TECRL: variants seen among roughly 807,000 people sequenced by gnomAD.
The protein encoded by TECRL is trans-2,3-enoyl-CoA reductase-like.
TECRL carries 63 observed loss-of-function variants against 52.8 expected under a neutral mutation model. The observed-to-expected ratio is 1.19, with a 90% CI of 0.97 to 1.47. The LOEUF is 1.47. Ranked by LOEUF, TECRL falls within the 40% of genes most tolerant of loss-of-function variation. The pLI, the probability that TECRL is intolerant of heterozygous loss-of-function variation, is 0.00. For synonymous variants in TECRL, 164 were observed against 141.9 expected (o/e 1.16, Z -1.10); for missense variants, 482 against 429.6 (o/e 1.12, Z -1.08).
In TECRL at chr4:64,337,913, C is replaced by T. The variant is rs1485953880; in HGVS notation, c.287-9357G>A. Among the ~76,000 whole-genome samples, 7 of 152,134 alleles carry T rather than the reference C, an allele frequency of 4.6e-5. No individual in the cohort carries two copies. In the East Asian group the frequency reaches 1.2e-3, roughly 25 times the overall value. On this transcript the variant is annotated intron_variant, in intron 2 of 11. Coordinates refer to ENST00000381210, the MANE Select transcript of TECRL (RefSeq NM_001010874.5). ...ATCAAGCAATCAATGACTTTCTTCA[C>T]AGAATTGGAAAAAACTACCTTAAAG...
At chr4:64,341,934 C>T (rs1577903294) in intron 2 of TECRL, among the ~76,000 whole-genome samples, 1 of 151,682 alleles carries the variant, frequency 6.6e-6, no homozygotes, top group Non-Finnish European at 1.5e-5. Context: ...CCAACACTCA[C>T]TCACACACCC....
chr4:64,313,620 T>C (rs1717234513), intron 5 of TECRL, among the ~76,000 whole-genome samples: 1 of 149,970 alleles, frequency 6.7e-6, no homozygotes, highest in Non-Finnish European at 1.5e-5. Flanking sequence ...TAGCTGGGAC[T>C]ACAGGCACCC....
downstream of TECRL, chr4:64,276,631 A>G (rs950389669): frequency 1.9e-5 from 3 of 154,170 alleles, no homozygotes; most frequent in Non-Finnish European, 4.3e-5. Flanking sequence ...ACTTACAACT[A>G]ATCTATGCAG....
chr4:64,403,566 T>C (rs1447190003), intron 1 of TECRL, among the ~76,000 whole-genome samples: 2 of 151,858 alleles, frequency 1.3e-5, no homozygotes, highest in Non-Finnish European at 2.9e-5. Context: ...TTATAAACTA[T>C]CTAGGACACA....
intron 1 of TECRL, among the ~76,000 whole-genome samples, chr4:64,378,982 T>C (rs923690284): frequency 2.6e-5 from 4 of 151,914 alleles, no homozygotes; most frequent in Admixed American, 6.6e-5. Context: ...TACACACATA[T>C]CCTGTTTTTG....
chr4:64,366,315 G>A (rs949236811), intron 2 of TECRL, among the ~76,000 whole-genome samples: 1 of 152,062 alleles, frequency 6.6e-6, no homozygotes, highest in African/African-American at 2.4e-5. Context: ...AACTCTGGAA[G>A]ACAAGATAGG....
intron 1 of TECRL, among the ~76,000 whole-genome samples, chr4:64,383,766 G>T (rs1318757400): frequency 6.6e-6 from 1 of 151,916 alleles, no homozygotes; most frequent in Non-Finnish European, 1.5e-5. Flanking sequence ...TGTTGCCAGA[G>T]AATTACTACA....
intron 2 of TECRL, among the ~76,000 whole-genome samples, chr4:64,366,053 A>G (rs1285478790): frequency 6.6e-6 from 1 of 152,104 alleles, no homozygotes; most frequent in Non-Finnish European, 1.5e-5. Context: ...TCAATGGAAC[A>G]GAATAGGGAG....
intron 1 of TECRL, among the ~76,000 whole-genome samples, chr4:64,403,475 G>GTGCACA (rs1553923025): frequency 6.7e-6 from 1 of 148,238 alleles, no homozygotes; most frequent in Non-Finnish European, 1.5e-5. Context: ...CTCCCTGAGC[G>GTGCACA]CACACACACA....
At position 64,310,605 on chromosome 4, in the gene TECRL, T is replaced by C. The variant is rs553058527; in HGVS notation, c.552-674A>G. Among the ~76,000 whole-genome samples, 46 of 152,334 alleles carry C rather than the reference T, an allele frequency of 3.0e-4. No individual in the cohort carries two copies. In the South Asian group the frequency reaches 9.3e-3, roughly 31 times the overall value. The stretch of plus-strand genomic sequence containing the variant: ...CAGCAGTATATTTTTCTGGATATAC[T>C]ATAAACAATGTATTTTTCATGAAGA... On this transcript the variant is annotated intron_variant, in intron 5 of 11. Coordinates refer to ENST00000381210, the MANE Select transcript of TECRL (RefSeq NM_001010874.5).
chr4:64,322,604 A>G (rs1391483507), intron 4 of TECRL, 85 bp downstream of exon 4: 22 of 907,100 alleles, frequency 2.4e-5, no homozygotes, highest in Non-Finnish European at 3.5e-5. Flanking sequence ...TTTCGCTATG[A>G]GTTTATTTGA....
chr4:64,367,663 T>C (rs1448937655), intron 2 of TECRL, among the ~76,000 whole-genome samples: 1 of 27,340 alleles, frequency 3.7e-5, no homozygotes, highest in East Asian at 0.071. Context: ...TGTTACCAAA[T>C]AATAATGACC....
intron 2 of TECRL, among the ~76,000 whole-genome samples, chr4:64,366,910 A>C (rs1027124658): frequency 1.4e-5 from 2 of 147,198 alleles, no homozygotes; most frequent in Non-Finnish European, 1.5e-5. Flanking sequence ...GGAATATGTC[A>C]TTCTACCAAA....
rs1354540251 is a variant in TECRL, at chr4:64,371,109, GCTGTAGAAA to G, written c.286+4054_286+4062del. ...GGTCATCCATTATAACTGATGGATGGCTGTAGAAACTGTATATGCTATTTGGAGTGCCAT... is the reference window on the plus strand; with the variant it reads ...GGTCATCCATTATAACTGATGGATGGCTGTATATGCTATTTGGAGTGCCAT... On this transcript the variant is annotated intron_variant, in intron 2 of 11. Coordinates refer to ENST00000381210, the MANE Select transcript of TECRL (RefSeq NM_001010874.5). Among the ~76,000 whole-genome samples, 3 of 151,646 alleles carry G rather than the reference GCTGTAGAAA, an allele frequency of 2.0e-5. No individual in the cohort carries two copies. In the East Asian group the frequency reaches 5.8e-4, roughly 29 times the overall value.
intron 2 of TECRL, among the ~76,000 whole-genome samples, chr4:64,363,935 C>T (rs1721401939): frequency 6.6e-6 from 1 of 152,090 alleles, no homozygotes; most frequent in East Asian, 1.9e-4. Flanking sequence ...CAGATATCTA[C>T]ATAATACTGC....
chr4:64,302,590 C>A (rs924183653), intron 7 of TECRL, among the ~76,000 whole-genome samples: 4 of 88,742 alleles, frequency 4.5e-5, no homozygotes, highest in African/African-American at 1.1e-4. Context: ...AGTCCAGTAA[C>A]TTTTTTTTCT....
At chr4:64,403,209 G>A (rs147509380) in intron 1 of TECRL, among the ~76,000 whole-genome samples, 11 of 151,852 alleles carry the variant, frequency 7.2e-5, no homozygotes, top group African/African-American at 2.7e-4. Context: ...CTTTACAAAT[G>A]TATCTTCTCT....
chr4:64,369,071 T>C (rs1577948100), intron 2 of TECRL, among the ~76,000 whole-genome samples: 1 of 152,146 alleles, frequency 6.6e-6, no homozygotes, highest in Non-Finnish European at 1.5e-5. Flanking sequence ...TGATAGATAA[T>C]AAACATCACT....
intron 2 of TECRL, among the ~76,000 whole-genome samples, chr4:64,331,387 T>C (rs1718630099): frequency 1.3e-5 from 2 of 152,106 alleles, no homozygotes; most frequent in South Asian, 4.1e-4. Context: ...CATCTGGCCC[T>C]AGAAAAAATA....
Sources: allele counts gnomAD v4.1 joint callset (sites outside exome capture counted in the v4.1 genomes callset), GRCh38; gene constraint gnomAD v4.1.1; transcripts MANE v1.5; gene names NCBI Gene and HGNC (gene_info 2026-07-23, HGNC 2026-07-21).